Variants in CAMKMT observed in about 807,000 individuals in gnomAD.
CAMKMT encodes calmodulin-lysine N-methyltransferase.
In CAMKMT, 53 loss-of-function variants were observed where a neutral mutation model predicts 48.0. The ratio of observed to expected loss-of-function variants is 1.10; its 90% CI spans 0.89 to 1.39. The LOEUF is 1.39. Among genes scored for constraint, CAMKMT ranks in the 40% most tolerant of loss-of-function variants. CAMKMT has a pLI of 0.00. For missense variants in CAMKMT, 428 were observed against 402.7 expected, an observed-to-expected ratio of 1.06 and a Z score of -0.54; for synonymous variants, 165 against 152.3, an observed-to-expected ratio of 1.08 and a Z score of -0.61.
intron 7 of CAMKMT, among the ~76,000 whole-genome samples, chr2:44,719,995 A>G (rs889275870): frequency 1.1e-4 from 16 of 152,162 alleles, no homozygotes; most frequent in Admixed American, 2.6e-4. Context: ...TTCTGTTGCT[A>G]TCTTGGCTAT....
chr2:44,651,374 A>C (rs1674054907), intron 3 of CAMKMT, among the ~76,000 whole-genome samples: 1 of 152,170 alleles, frequency 6.6e-6, no homozygotes, highest in African/African-American at 2.4e-5. Context: ...ATGAAGAAAT[A>C]CCTGTGTTTT....
chr2:44,365,536 C>G (rs1179858496), intron 1 of CAMKMT, among the ~76,000 whole-genome samples: 1 of 152,202 alleles, frequency 6.6e-6, no homozygotes, highest in Non-Finnish European at 1.5e-5. Context: ...ACTGGCAACT[C>G]CGGGCTTTCA....
chr2:44,771,941 G>T (rs766097464), intron 10 of CAMKMT, 95 bp from the exon 11 acceptor site: 42 of 819,466 alleles, frequency 5.1e-5, no homozygotes, highest in Non-Finnish European at 8.2e-5. Flanking sequence ...ATATATTTTG[G>T]TGTAAAAGTC....
chr2:44,600,596 C>G (rs771018177), intron 3 of CAMKMT, among the ~76,000 whole-genome samples: 3 of 152,070 alleles, frequency 2.0e-5, no homozygotes, highest in African/African-American at 7.3e-5. Context: ...GAAACCTTTT[C>G]TCTGTAAATG....
At chr2:44,760,553 G>A (rs1680574120) in intron 9 of CAMKMT, among the ~76,000 whole-genome samples, 1 of 150,272 alleles carries the variant, frequency 6.7e-6, no homozygotes, top group South Asian at 2.1e-4. Flanking sequence ...GGAGCTTGCA[G>A]TGAGCGGAGA....
intron 3 of CAMKMT, among the ~76,000 whole-genome samples, chr2:44,445,229 A>C (rs1159890799): frequency 3.9e-5 from 6 of 152,138 alleles, no homozygotes; most frequent in Non-Finnish European, 8.8e-5. Flanking sequence ...CATGGCTACA[A>C]ACTGCTTTGG....
chr2:44,479,702 A>G (rs1034567878), intron 3 of CAMKMT, among the ~76,000 whole-genome samples: 1 of 152,136 alleles, frequency 6.6e-6, no homozygotes, highest in Non-Finnish European at 1.5e-5. Context: ...GCTGTCACGA[A>G]CTCATGGAAT....
At chr2:44,722,670 A>G (rs958365717) in intron 7 of CAMKMT, among the ~76,000 whole-genome samples, 1 of 152,208 alleles carries the variant, frequency 6.6e-6, no homozygotes, top group Admixed American at 6.5e-5. Context: ...AAACATTAAA[A>G]AAAGGAAGAA....
intron 3 of CAMKMT, among the ~76,000 whole-genome samples, chr2:44,398,249 A>G (rs1264410085): frequency 6.6e-6 from 1 of 152,184 alleles, no homozygotes; most frequent in African/African-American, 2.4e-5. Flanking sequence ...TTATTTCTTA[A>G]AGGCTACATT....
At chr2:44,673,507 AAG>A (rs1675474176) in intron 3 of CAMKMT, among the ~76,000 whole-genome samples, 14 of 143,558 alleles carry the variant, frequency 9.8e-5, no homozygotes, top group Non-Finnish European at 2.1e-4. Flanking sequence ...GGAAGGAAGG[AAG>A]GAAGGAAGGA....
intron 3 of CAMKMT, among the ~76,000 whole-genome samples, chr2:44,627,541 G>C (rs368616082): frequency 1.3e-5 from 2 of 151,778 alleles, no homozygotes; most frequent in African/African-American, 2.4e-5. Context: ...AAAAAGTTTC[G>C]TTCACAGATT....
chr2:44,406,278 T>G (rs1682770994), intron 3 of CAMKMT, among the ~76,000 whole-genome samples: 1 of 152,082 alleles, frequency 6.6e-6, no homozygotes, highest in Non-Finnish European at 1.5e-5. Context: ...TTGCCTTAAG[T>G]CTTTTTTTTT....
chr2:44,696,455 G>A (rs1408656960), intron 3 of CAMKMT, among the ~76,000 whole-genome samples: 1 of 152,158 alleles, frequency 6.6e-6, no homozygotes, highest in African/African-American at 2.4e-5. Flanking sequence ...AGAATTGATT[G>A]AAAGTTGTTT....
chr2:44,632,220 C>T (rs1672873409), intron 3 of CAMKMT, among the ~76,000 whole-genome samples: 5 of 149,596 alleles, frequency 3.3e-5, no homozygotes, highest in Admixed American at 3.3e-4. Context: ...TGAAGACCTT[C>T]TTTAATTATT....
intron 3 of CAMKMT, among the ~76,000 whole-genome samples, chr2:44,634,296 T>G (rs1212780804): frequency 1.3e-5 from 2 of 151,918 alleles, no homozygotes; most frequent in Admixed American, 1.3e-4. Context: ...CTCAACTTAA[T>G]GAGTCATCCA....
chr2:44,518,047 G>A (rs1194866953), intron 3 of CAMKMT, among the ~76,000 whole-genome samples: 1 of 152,130 alleles, frequency 6.6e-6, no homozygotes, highest in African/African-American at 2.4e-5. Context: ...GTTTTGTGGG[G>A]CTTAGGGGGC....
intron 3 of CAMKMT, among the ~76,000 whole-genome samples, chr2:44,611,580 G>T (rs768665985): frequency 1.3e-5 from 2 of 152,096 alleles, no homozygotes; most frequent in Non-Finnish European, 2.9e-5. Flanking sequence ...TCGTGTTCTG[G>T]AACACCCACA....
intron 3 of CAMKMT, among the ~76,000 whole-genome samples, chr2:44,497,094 CA>C (rs1234134670): frequency 6.6e-6 from 1 of 152,018 alleles, no homozygotes; most frequent in African/African-American, 2.4e-5. Flanking sequence ...AAAAATGTGA[CA>C]AAATTAAAGG....
At chr2:44,682,006 G>A (rs946497757) in intron 3 of CAMKMT, among the ~76,000 whole-genome samples, 2 of 152,168 alleles carry the variant, frequency 1.3e-5, no homozygotes, top group Admixed American at 1.3e-4. Flanking sequence ...CGATAAGTCT[G>A]CCCTTTTTTC....
Sources: allele counts gnomAD v4.1 joint callset (sites outside exome capture counted in the v4.1 genomes callset), GRCh38; gene constraint gnomAD v4.1.1; transcripts MANE v1.5; gene names NCBI Gene and HGNC (gene_info 2026-07-23, HGNC 2026-07-21).